The following AACS variants were observed in gnomAD, a reference collection of about 807,000 sequenced individuals.
The protein encoded by AACS is acetoacetate-CoA ligase.
In AACS, 69 loss-of-function variants were observed where a neutral mutation model predicts 83.1. The observed-to-expected ratio is 0.83, with a 90% CI of 0.68 to 1.01. AACS has a LOEUF of 1.01. Among genes scored for constraint, AACS ranks in the 50% least tolerant of loss-of-function variants. The pLI is 0.00. For missense variants in AACS, 866 were observed against 882.2 expected, an observed-to-expected ratio of 0.98 and a Z score of 0.23; for synonymous variants, 333 against 343.4, an observed-to-expected ratio of 0.97 and a Z score of 0.33.
chr12:125,103,156 C>G, intron 7 of AACS, 75 bp downstream of exon 7: 2 of 1,316,602 alleles, frequency 1.5e-6, no homozygotes, highest in Non-Finnish European at 2.1e-6. Context: ...GCCTCTGGAT[C>G]TTCTACTTGG....
At chr12:125,103,117 G>A (rs757810751) in intron 7 of AACS, 36 bp downstream of exon 7, 5 of 1,577,456 alleles carry the variant, frequency 3.2e-6, no homozygotes, top group South Asian at 1.2e-5. Context: ...GGTCCGTGTG[G>A]ACCCACTGGA....
chr12:125,071,297 T>C lies in AACS; in HGVS notation c.134-2579T>C, dbSNP rs566229315. On this transcript the variant is annotated intron_variant, in intron 1 of 17. Transcript: ENST00000316519. ...AACTCACGTTTGGCCACTTCCACAA[T>C]ACCCTGTTGGTGACACAGATCAGCC... Among the ~76,000 whole-genome samples the C allele has an allele frequency of 6.6e-4, 100 of 152,240 alleles. No individual in the cohort carries two copies. The Middle Eastern group carries it at 0.014, about 21-fold the overall frequency.
chr12:125,119,981 C>G (rs145422390), intron 10 of AACS: 1 of 152,416 alleles, frequency 6.6e-6, no homozygotes, highest in Non-Finnish European at 1.5e-5. Context: ...CTCATCATAA[C>G]TGCACTGAGT....
At chr12:125,109,816 G>T (rs1956913362) in intron 8 of AACS, among the ~76,000 whole-genome samples, 1 of 152,186 alleles carries the variant, frequency 6.6e-6, no homozygotes, top group African/African-American at 2.4e-5. Flanking sequence ...CAGGCTCCTG[G>T]TTTGGCAGAA....
intron 2 of AACS, 27 bp downstream of exon 2, chr12:125,074,006 A>C: frequency 5.1e-6 from 8 of 1,566,028 alleles, no homozygotes; most frequent in Non-Finnish European, 6.1e-6. Flanking sequence ...CGTGGATATC[A>C]TCTCTTTTTG....
chr12:125,091,169 G>A, intron 4 of AACS: 1 of 508,916 alleles, frequency 2.0e-6, no homozygotes, highest in Non-Finnish European at 3.6e-6. Context: ...TCCCAGGGAG[G>A]GATGGGGAGC....
Position 125,074,144 on chromosome 12 carries a change from C to T in AACS, c.237+165C>T, listed in dbSNP as rs565651128. On this transcript the variant is annotated intron_variant, in intron 2 of 17. Coordinates refer to ENST00000316519, the MANE Select transcript of AACS (RefSeq NM_023928.5). ...GGCATTAAATTATCACAGACCTCAT[C>T]GAGAACTTTGCAGCCTGTTAATCCT... is the stretch of plus-strand genomic sequence containing the variant. Among the ~76,000 whole-genome samples the T allele has an allele frequency of 5.3e-5, 8 of 152,302 alleles. No homozygotes were observed. The East Asian group carries it at 9.6e-4, about 18-fold the overall frequency.
chr12:125,083,648 AT>A (rs1956257358), intron 3 of AACS, among the ~76,000 whole-genome samples: 1 of 151,806 alleles, frequency 6.6e-6, no homozygotes, highest in African/African-American at 2.4e-5. Context: ...AAAGAAGTGA[AT>A]TTTTTTGTTT....
chr12:125,131,672 C>T (rs1957330594), intron 14 of AACS, among the ~76,000 whole-genome samples: 1 of 152,118 alleles, frequency 6.6e-6, no homozygotes, highest in Non-Finnish European at 1.5e-5. Flanking sequence ...CGCTCTGTTG[C>T]CCAGGCTGGG....
In AACS at chr12:125,065,490, C is replaced by T; in HGVS notation, c.-95C>T. ...GACCCAGCCCGCCAGGCGCTCCTGA[C>T]CGTCGCTTCCTCCGGTCCCAGGTCC... is the stretch of plus-strand genomic sequence containing the variant. On this transcript the variant is annotated 5_prime_UTR_variant, in exon 1 of 18. Transcript: ENST00000316519. The T allele has an allele frequency of 7.7e-7, 1 of 1,297,564 alleles. No individual in the cohort carries two copies. The highest frequency in any genetic ancestry group is 2.0e-5 in the South Asian group (1 of 49,372). 80.4% of individuals were successfully genotyped at this position (1,297,564 alleles called of 1,614,324 possible).
In AACS at chr12:125,091,514, C is replaced by T. The variant is rs184896653; in HGVS notation, c.561C>T (p.Phe187=). ...GAIWSSTSPD[F]GVNGVLDRFS... is the part of the protein sequence containing the mutation. ...TCTGGAGCTCCACGTCCCCGGACTTCGGTGTGAATGTGAGTCAGGGTCTGT... is the reference window on the plus strand; with the variant it reads ...TCTGGAGCTCCACGTCCCCGGACTTTGGTGTGAATGTGAGTCAGGGTCTGT... Residue 187 remains phenylalanine (F), a synonymous_variant, in exon 5 of 18, where the codon TTC becomes TTT. Coordinates refer to ENST00000316519, the MANE Select transcript of AACS (RefSeq NM_023928.5). 15 of 1,614,210 alleles carry T rather than the reference C, an allele frequency of 9.3e-6. No individual in the cohort carries two copies. Among genetic ancestry groups the T allele is most frequent in the African/African-American group, 4.0e-5 (3 of 75,062 alleles).
Position 125,142,092 on chromosome 12 carries a change from T to C in AACS, c.1882T>C (p.Tyr628His). The change falls in exon 18 of 18, where the codon TAT becomes CAT. Residue 628 changes from tyrosine (Y) to histidine (H), a missense_variant and splice_region_variant. Physicochemically the swap from Tyr to His is moderately conservative, Grantham distance 83. Coordinates refer to ENST00000316519, the MANE Select transcript of AACS (RefSeq NM_023928.5). ...SLILETKGIP[Y>H]TLNGKKVEVA... ...CTGTTTTTCTACCTTTCCCTCGCAG[T>C]ATACGCTCAACGGCAAGAAAGTGGA... The C allele has an allele frequency of 1.2e-6, 2 of 1,614,020 alleles. No homozygotes were observed. The highest frequency in any genetic ancestry group is 1.7e-6 in the Non-Finnish European group (2 of 1,180,020).
intron 5 of AACS, chr12:125,092,633 C>G (rs1232053727): frequency 3.3e-5 from 5 of 152,340 alleles, no homozygotes; most frequent in Middle Eastern, 3.1e-3. Flanking sequence ...TACTGTGTGG[C>G]TGGATGGCCG....
chr12:125,142,436 C>T lies in AACS; in HGVS notation c.*207C>T. The T allele has an allele frequency of 1.5e-6, 1 of 668,460 alleles. No homozygotes were observed. Among genetic ancestry groups the T allele is most frequent in the African/African-American group, 1.8e-5 (1 of 55,116 alleles). 41.4% of individuals were successfully genotyped at this position (668,460 alleles called of 1,614,324 possible). On this transcript the variant is annotated 3_prime_UTR_variant, in exon 18 of 18. Transcript: ENST00000316519. ...CGAGTGGGATTCTGGCCTTCAGAGA[C>T]CAGGAGGGAGTGTCTGGGCCGCAGG...
intron 10 of AACS, 148 bp downstream of exon 10, chr12:125,118,913 GAGGGCATGGGAGGTGCCAGAAGCAGA>G: frequency 8.3e-7 from 1 of 1,208,928 alleles, no homozygotes. Context: ...TCTCCAAGAG[GAGGGCATGGGAGGTGCCAGAAGCAGA>G]AGGTGAAACT....
intron 17 of AACS, chr12:125,138,522 G>T (rs893545932): frequency 2.6e-5 from 4 of 152,122 alleles, no homozygotes; most frequent in African/African-American, 9.7e-5. Flanking sequence ...TATCCCCTTG[G>T]CTTTATATTA....
chr12:125,091,583 G>T, intron 5 of AACS, 60 bp downstream of exon 5: 1 of 1,545,480 alleles, frequency 6.5e-7, no homozygotes. Flanking sequence ...CTGGGCAGGG[G>T]CTGCATGGGC....
In AACS at chr12:125,118,763, A is replaced by C. The variant is rs377071520; in HGVS notation, c.1119A>C (p.Ile373=). ...PNVLWDLVDR[I]GITVLVTGAK... is the part of the protein sequence containing the mutation. ...TGCTCTGGGACCTGGTTGACAGGATAGGGTAGGTACCAAGATGCTGTGCTC... is the reference window on the plus strand; with the variant it reads ...TGCTCTGGGACCTGGTTGACAGGATCGGGTAGGTACCAAGATGCTGTGCTC... The change falls in exon 10 of 18, where the codon ATA becomes ATC. Residue 373 remains isoleucine (I), a splice_region_variant and synonymous_variant. Transcript: ENST00000316519. The C allele has an allele frequency of 3.7e-6, 6 of 1,613,946 alleles. No individual in the cohort carries two copies. The highest frequency in any genetic ancestry group is 5.1e-6 in the Non-Finnish European group (6 of 1,179,952).
intron 14 of AACS, 54 bp from the exon 15 acceptor site, chr12:125,133,949 C>G (rs1419453371): frequency 1.3e-6 from 2 of 1,592,202 alleles, no homozygotes; most frequent in East Asian, 2.2e-5. Context: ...GTCCAGGCAG[C>G]CTGTCATGGC....
Sources: gnomAD v4.1 joint callset for allele counts (sites outside exome capture counted in the v4.1 genomes callset) on GRCh38, gnomAD v4.1.1 for gene constraint, MANE v1.5 for transcripts, NCBI Gene and HGNC (gene_info 2026-07-23, HGNC 2026-07-21) for gene names.